CLCA2: variants seen among roughly 807,000 people sequenced by gnomAD.
CLCA2 encodes calcium-activated chloride channel regulator 2.
A neutral mutation model predicts 82.9 loss-of-function variants in CLCA2; 85 were observed. That is an observed-to-expected ratio of 1.03 (90% CI 0.86 to 1.23). The LOEUF is 1.23. Among genes scored for constraint, CLCA2 ranks in the 50% most tolerant of loss-of-function variants. The pLI is 0.00. For missense variants in CLCA2, 1,089 were observed against 1,124.8 expected (o/e 0.97, Z 0.45); for synonymous variants, 421 against 391.7 (o/e 1.07, Z -0.88).
intron 4 of CLCA2, 49 bp from the exon 5 acceptor site, chr1:86,432,320 A>G: frequency 6.3e-7 from 1 of 1,576,558 alleles, no homozygotes. Flanking sequence ...CAAGAAACAT[A>G]AGTGTTTCTA....
intron 1 of CLCA2, among the ~76,000 whole-genome samples, chr1:86,425,044 G>A (rs1662361461): frequency 6.6e-6 from 1 of 152,138 alleles, no homozygotes; most frequent in South Asian, 2.1e-4. Flanking sequence ...TGTGCCCACA[G>A]GTGTGACATG....
At chr1:86,433,907 A>G (rs1570255420) in intron 5 of CLCA2, among the ~76,000 whole-genome samples, 1 of 152,164 alleles carries the variant, frequency 6.6e-6, no homozygotes, top group East Asian at 1.9e-4. Flanking sequence ...AATGCAAACC[A>G]TATTTTTAAG....
In CLCA2 at chr1:86,455,644, T is replaced by C; in HGVS notation, c.*117T>C. The stretch of plus-strand genomic sequence containing the variant: ...TGTATTAAAATGCATTGAGTTTTTG[T>C]ACAATACAGATAAGATTTTTACATG... On this transcript the variant is annotated 3_prime_UTR_variant, in exon 14 of 14. Coordinates refer to ENST00000370565, the MANE Select transcript of CLCA2 (RefSeq NM_006536.7). 1.6e-6 allele frequency: 1 copy of C among 619,316 alleles called. No individual in the cohort carries two copies. Among genetic ancestry groups the C allele is most frequent in the Non-Finnish European group, 2.5e-6 (1 of 407,284 alleles). 38.4% of individuals were successfully genotyped at this position (619,316 alleles called of 1,614,324 possible).
intron 2 of CLCA2, 33 bp downstream of exon 2, chr1:86,425,509 A>C: frequency 6.8e-7 from 1 of 1,479,084 alleles, no homozygotes; most frequent in Non-Finnish European, 9.0e-7. Context: ...AATGATCTCA[A>C]GGGGAAAAAA....
intron 13 of CLCA2, among the ~76,000 whole-genome samples, chr1:86,454,246 T>G (rs1663028845): frequency 6.6e-6 from 1 of 152,222 alleles, no homozygotes; most frequent in Admixed American, 6.5e-5. Context: ...CCCATTAATT[T>G]GAATTCCACC....
chr1:86,447,456 T>A (rs1662874296), intron 10 of CLCA2, 52 bp from the exon 11 acceptor site: 1 of 1,570,330 alleles, frequency 6.4e-7, no homozygotes, highest in African/African-American at 1.4e-5. Flanking sequence ...GCTTTAAAAT[T>A]AGGGTTGATT....
chr1:86,441,521 A>C lies in CLCA2; in HGVS notation c.1466A>C (p.Asp489Ala), dbSNP rs1344559933. Residue 489 changes from aspartate to alanine, a missense_variant, in exon 9 of 14, where the codon GAC becomes GCC. Asp to Ala is a moderately radical substitution (Grantham distance 126). Transcript: ENST00000370565. ...AFSRISSGTGDIFQQHIQLES... is the reference protein window; with the variant it reads ...AFSRISSGTGAIFQQHIQLES... ...AGTAGAATTTCCTCTGGAACTGGAGACATTTTCCAGCAACATATTCAGGTC... is the reference window on the plus strand; with the variant it reads ...AGTAGAATTTCCTCTGGAACTGGAGCCATTTTCCAGCAACATATTCAGGTC... 6.2e-7 allele frequency: 1 copy of C among 1,610,974 alleles called. No individual in the cohort carries two copies. The highest frequency in any genetic ancestry group is 8.5e-7 in the Non-Finnish European group (1 of 1,177,540).
chr1:86,426,400 T>A (rs2101688088), intron 2 of CLCA2, among the ~76,000 whole-genome samples: 1 of 152,200 alleles, frequency 6.6e-6, no homozygotes, highest in Admixed American at 6.5e-5. Flanking sequence ...TAGCTCTCCT[T>A]CAAAGCTACT....
intron 6 of CLCA2, 38 bp from the exon 7 acceptor site, chr1:86,438,838 A>T (rs1285688560): frequency 6.3e-7 from 1 of 1,580,832 alleles, no homozygotes; most frequent in East Asian, 2.2e-5. Flanking sequence ...TCTACTAACC[A>T]AATGTTGCCA....
rs758063227 is a variant in CLCA2, at chr1:86,432,345, C to T, written c.585-24C>T. 18 of 1,610,282 alleles carry T rather than the reference C, an allele frequency of 1.1e-5. No individual in the cohort carries two copies. The African/African-American group carries it at 2.3e-4, about 20-fold the overall frequency. On this transcript the variant is annotated intron_variant, in intron 4 of 13. Coordinates refer to ENST00000370565, the MANE Select transcript of CLCA2 (RefSeq NM_006536.7). ...AAGTGTTTCTAAAATAGACCTAATT[C>T]CCAGTTTCTCTTTCCATTTTTAGGT...
Position 86,450,723 on chromosome 1 carries a change from C to A in CLCA2, c.2145C>A (p.Tyr715Ter). The A allele has an allele frequency of 6.2e-7, 1 of 1,601,626 alleles. No individual in the cohort carries two copies. The highest frequency in any genetic ancestry group is 8.5e-7 in the Non-Finnish European group (1 of 1,174,024). ...GTCATGCTATGTATGTACCAGGTTACACAGCAAACGGTAAGAACCATTAGC... is the reference window on the plus strand; with the variant it reads ...GTCATGCTATGTATGTACCAGGTTAAACAGCAAACGGTAAGAACCATTAGC... ...PGSHAMYVPG[Y>*]TANGNIQMNA... The change falls in exon 12 of 14, where the codon TAC (tyrosine) becomes TAA (stop). Residue 715 changes from tyrosine (Y) to a stop codon, truncating the protein, a stop_gained. Transcript: ENST00000370565. LOFTEE classifies it high-confidence loss of function.
At chr1:86,425,504 T>A (rs776546003) in intron 2 of CLCA2, 28 bp downstream of exon 2, 1 of 1,484,142 alleles carries the variant, frequency 6.7e-7, no homozygotes, top group Non-Finnish European at 9.0e-7. Flanking sequence ...CATTCAATGA[T>A]CTCAAGGGGA....
intron 9 of CLCA2, among the ~76,000 whole-genome samples, chr1:86,441,837 T>G (rs934864467): frequency 3.3e-5 from 5 of 152,162 alleles, no homozygotes; most frequent in African/African-American, 1.2e-4. Flanking sequence ...AGAAGAAAAA[T>G]AAGGAACTGT....
chr1:86,440,195 AGT>A lies in CLCA2; in HGVS notation c.1253_1254del (p.Val418AspfsTer5). 1 of 1,614,154 alleles carries A rather than the reference AGT, an allele frequency of 6.2e-7. No homozygotes were observed. On this transcript the variant is annotated frameshift_variant, in exon 8 of 14. Transcript: ENST00000370565. LOFTEE classifies it high-confidence loss of function. ...AAGCTTATGGCTCTGTGATGATATTAGTGACCAGCGGAGATGATAAGCTTCTT... is the reference window on the plus strand; with the variant it reads ...AAGCTTATGGCTCTGTGATGATATTAGACCAGCGGAGATGATAAGCTTCTT... ...GKAYGSVMIL[V>X]TSGDDKLLGN...
At chr1:86,448,126 T>C (rs1324213137) in intron 11 of CLCA2, 3 of 218,034 alleles carry the variant, frequency 1.4e-5, no homozygotes, top group Non-Finnish European at 2.7e-5. Flanking sequence ...AGCTTTATTA[T>C]TCACTGAAGT....
chr1:86,437,627 A>G (rs1055306850), intron 6 of CLCA2, among the ~76,000 whole-genome samples: 1 of 152,208 alleles, frequency 6.6e-6, no homozygotes, highest in Non-Finnish European at 1.5e-5. Flanking sequence ...TATGACTATA[A>G]CTAACACTGG....
intron 5 of CLCA2, among the ~76,000 whole-genome samples, 184 bp from the exon 6 acceptor site, chr1:86,434,334 A>G (rs891189974): frequency 2.0e-5 from 3 of 152,242 alleles, no homozygotes; most frequent in Admixed American, 2.0e-4. Context: ...TGTTCCCAGC[A>G]AGAATGCCAA....
At position 86,450,538 on chromosome 1, in the gene CLCA2, GA is replaced by G. The variant is rs1424915502; in HGVS notation, c.1985-24del. ...GTAATCTACTATAATAACAAGTGTT[GA>G]CACTGTGTTTTTTATATATACAGGT... On this transcript the variant is annotated intron_variant, in intron 11 of 13. Transcript: ENST00000370565. 11 of 1,578,302 alleles carry G rather than the reference GA, an allele frequency of 7.0e-6. No homozygotes were observed. The East Asian group carries it at 2.5e-4, about 36-fold the overall frequency.
intron 6 of CLCA2, 70 bp from the exon 7 acceptor site, chr1:86,438,806 G>A: frequency 1.6e-6 from 2 of 1,261,584 alleles, no homozygotes; most frequent in South Asian, 1.2e-5. Context: ...TTTGCTAATT[G>A]AGTTACTTCA....
Sources: gnomAD v4.1 joint callset for allele counts (sites outside exome capture counted in the v4.1 genomes callset) on GRCh38, gnomAD v4.1.1 for gene constraint, MANE v1.5 for transcripts, NCBI Gene and HGNC (gene_info 2026-07-23, HGNC 2026-07-21) for gene names.